IQCK: variants seen among roughly 807,000 people sequenced by gnomAD.
IQCK encodes the protein IQ motif containing K.
Under a neutral mutation model 28.1 loss-of-function variants are expected in IQCK, and 29 were observed. The ratio of observed to expected loss-of-function variants is 1.03; its 90% CI spans 0.77 to 1.41. IQCK has a LOEUF of 1.41. IQCK is among the 40% of genes most tolerant of loss of function. IQCK has a pLI of 0.00. For synonymous variants in IQCK, 113 were observed against 115.1 expected (o/e 0.98, Z 0.12); for missense variants, 359 against 314.7 (o/e 1.14, Z -1.07).
intron 9 of IQCK, among the ~76,000 whole-genome samples, chr16:19,848,152 A>G (rs890345368): frequency 6.6e-6 from 1 of 152,244 alleles, no homozygotes; most frequent in Non-Finnish European, 1.5e-5. Context: ...ATCTTTACCA[A>G]CAATGAGTGT....
intron 4 of IQCK, among the ~76,000 whole-genome samples, chr16:19,757,716 A>C (rs11862428): frequency 6.6e-6 from 1 of 152,284 alleles, no homozygotes; most frequent in Non-Finnish European, 1.5e-5. Context: ...TGGGTCTTTT[A>C]TGATGGTATT....
chr16:19,786,436 G>A (rs926774787), intron 6 of IQCK, among the ~76,000 whole-genome samples: 3 of 148,530 alleles, frequency 2.0e-5, no homozygotes, highest in Non-Finnish European at 4.4e-5. Context: ...GGTGGCTCAT[G>A]CCTGTAATCC....
At chr16:19,818,847 A>G (rs1460374791) in intron 7 of IQCK, among the ~76,000 whole-genome samples, 1 of 152,168 alleles carries the variant, frequency 6.6e-6, no homozygotes, top group Non-Finnish European at 1.5e-5. Flanking sequence ...AAGGCACCCT[A>G]TGCTCTGGAA....
At chr16:19,852,793 T>C (rs1010442360) in intron 9 of IQCK, among the ~76,000 whole-genome samples, 1 of 151,920 alleles carries the variant, frequency 6.6e-6, no homozygotes, top group Non-Finnish European at 1.5e-5. Flanking sequence ...CGGCTAATTT[T>C]TTGTGTTTTT....
intron 7 of IQCK, among the ~76,000 whole-genome samples, chr16:19,801,300 CTCT>C: frequency 2.5e-5 from 2 of 80,542 alleles, no homozygotes; most frequent in African/African-American, 1.8e-4. Flanking sequence ...CTCTCTCTCT[CTCT>C]TTTTTTTTTT....
At chr16:19,826,979 A>T in intron 7 of IQCK, 47 bp from the exon 8 acceptor site, 1 of 1,205,170 alleles carries the variant, frequency 8.3e-7, no homozygotes, top group Non-Finnish European at 1.2e-6. Context: ...AAGCTAGTGT[A>T]CAGAAGTGTG....
intron 4 of IQCK, among the ~76,000 whole-genome samples, chr16:19,755,937 C>G (rs1269781645): frequency 1.3e-5 from 2 of 152,174 alleles, no homozygotes; most frequent in Admixed American, 1.3e-4. Flanking sequence ...AATGCCAGCA[C>G]TTTGGGAGGC....
At chr16:19,842,714 G>A (rs1019894930) in intron 9 of IQCK, among the ~76,000 whole-genome samples, 3 of 152,188 alleles carry the variant, frequency 2.0e-5, no homozygotes, top group Non-Finnish European at 4.4e-5. Context: ...TTATAGCAAC[G>A]TCTTAAACGC....
rs907276013 is a variant in IQCK at position 19,847,670 on chromosome 16, G to A, written c.803-8817G>A. Among the ~76,000 whole-genome samples the A allele has an allele frequency of 2.0e-5, 3 of 152,168 alleles. No individual in the cohort carries two copies. In the South Asian group the frequency reaches 6.2e-4, roughly 32 times the overall value. On this transcript the variant is annotated intron_variant, in intron 9 of 9. Transcript: ENST00000320394. The stretch of plus-strand genomic sequence containing the variant: ...TGAGGGGTAGCACTCAGTTGATCTT[G>A]TATTGTCGTGTTGCTGTTGTAGCAT...
At chr16:19,726,532 G>A (rs920442072) in intron 1 of IQCK, among the ~76,000 whole-genome samples, 1 of 152,042 alleles carries the variant, frequency 6.6e-6, no homozygotes, top group East Asian at 1.9e-4. Flanking sequence ...TTGAAACATT[G>A]TTTATAATAA....
intron 6 of IQCK, among the ~76,000 whole-genome samples, chr16:19,771,061 T>C (rs183427997): frequency 6.6e-6 from 1 of 152,314 alleles, no homozygotes; most frequent in Admixed American, 6.5e-5. Flanking sequence ...TTTGCCATTG[T>C]CAGGTAAATA....
chr16:19,730,900 T>C (rs1977816854), intron 2 of IQCK, among the ~76,000 whole-genome samples: 1 of 152,120 alleles, frequency 6.6e-6, no homozygotes, highest in African/African-American at 2.4e-5. Flanking sequence ...TGCTTGGGAT[T>C]TTTTGTCGAG....
chr16:19,845,164 G>C (rs2056402703), intron 9 of IQCK, among the ~76,000 whole-genome samples: 1 of 152,196 alleles, frequency 6.6e-6, no homozygotes, highest in African/African-American at 2.4e-5. Flanking sequence ...TGGGTTCTGA[G>C]TCAGCCATCA....
chr16:19,785,206 A>G (rs1279691647), intron 6 of IQCK, among the ~76,000 whole-genome samples: 1 of 152,242 alleles, frequency 6.6e-6, no homozygotes, highest in Non-Finnish European at 1.5e-5. Flanking sequence ...AGATGTGGTC[A>G]CACACCCAGG....
At chr16:19,747,066 T>C (rs376311636) in intron 4 of IQCK, among the ~76,000 whole-genome samples, 275 of 152,298 alleles carry the variant, frequency 1.8e-3, no homozygotes, top group Middle Eastern at 0.01. Context: ...ATCATTGAGC[T>C]CAGGAGTTCA....
chr16:19,753,961 C>T (rs1021263845), intron 4 of IQCK, among the ~76,000 whole-genome samples: 1 of 152,114 alleles, frequency 6.6e-6, no homozygotes. Flanking sequence ...CAGCACACCT[C>T]CCCTGACATC....
chr16:19,819,411 T>G (rs534206700), intron 7 of IQCK: 1 of 152,122 alleles, frequency 6.6e-6, no homozygotes, highest in Non-Finnish European at 1.5e-5. Context: ...GAGAATTGCT[T>G]GAATCCGGGA....
chr16:19,824,436 C>T (rs2056117355), intron 7 of IQCK, among the ~76,000 whole-genome samples: 1 of 152,206 alleles, frequency 6.6e-6, no homozygotes, highest in African/African-American at 2.4e-5. Flanking sequence ...TCACTCGCCA[C>T]TCACCTTCTG....
At chr16:19,730,813 C>T (rs367904556) in intron 2 of IQCK, among the ~76,000 whole-genome samples, 1 of 152,138 alleles carries the variant, frequency 6.6e-6, no homozygotes, top group African/African-American at 2.4e-5. Context: ...CTTGCCCTGT[C>T]GCCCAGGTTG....
Sources: allele counts gnomAD v4.1 joint callset (sites outside exome capture counted in the v4.1 genomes callset), GRCh38; gene constraint gnomAD v4.1.1; transcripts MANE v1.5; gene names NCBI Gene and HGNC (gene_info 2026-07-23, HGNC 2026-07-21).